DUSP8: variants seen among roughly 807,000 people sequenced by gnomAD.
DUSP8 encodes the protein dual specificity phosphatase 8.
DUSP8 carries 15 observed loss-of-function variants against 38.7 expected under a neutral mutation model. The ratio of observed to expected loss-of-function variants is 0.39; its 90% confidence interval spans 0.26 to 0.60. The LOEUF is 0.60. DUSP8 is among the 20% of genes least tolerant of loss of function. The pLI is 0.56. For synonymous variants in DUSP8, 458 were observed against 433.9 expected (o/e 1.06, Z -0.69); for missense variants, 768 against 915.0 (o/e 0.84, Z 2.07).
At chr11:1,569,936 C>G (rs973990761) in intron 1 of DUSP8, among the ~76,000 whole-genome samples, 2 of 152,172 alleles carry the variant, frequency 1.3e-5, no homozygotes, top group Non-Finnish European at 2.9e-5. Flanking sequence ...GAGGCAGGGA[C>G]CCTGCACTCA....
At position 1,565,566 on chromosome 11, in the gene DUSP8, T is replaced by C. The variant is rs764673724; in HGVS notation, c.231+30A>G. On this transcript the variant is annotated intron_variant, in intron 2 of 6. Transcript: ENST00000397374. ...CCTTAGCTGTGGACCCTGGACGTGA[T>C]GCATGCCTGGTGGGCAGTGGGCTGG... The C allele has an allele frequency of 1.9e-6, 3 of 1,560,624 alleles. No homozygotes were observed. The South Asian group carries it at 3.4e-5, about 18-fold the overall frequency.
Position 1,572,126 on chromosome 11 carries a change from C to A in DUSP8, c.-334G>T, listed in dbSNP as rs1193459136. Among the ~76,000 whole-genome samples, 2 of 145,396 alleles carry A rather than the reference C, an allele frequency of 1.4e-5. No individual in the cohort carries two copies. The highest frequency in any genetic ancestry group is 1.4e-4 in the Admixed American group (2 of 14,660). On this transcript the variant is annotated 5_prime_UTR_variant, in exon 1 of 7. Coordinates refer to ENST00000397374, the MANE Select transcript of DUSP8 (RefSeq NM_004420.3). The surrounding 1 kb of genome is among the most constrained non-coding windows in gnomAD (Gnocchi z 4.7). ...TGCGGGCGGGCACGCGCGCTCGCGGCGCGCATCCCAGCCCCGCGGCTCGGC... is the reference window on the plus strand; with the variant it reads ...TGCGGGCGGGCACGCGCGCTCGCGGAGCGCATCCCAGCCCCGCGGCTCGGC...
intron 1 of DUSP8, among the ~76,000 whole-genome samples, chr11:1,568,944 C>T (rs967479248): frequency 1.3e-5 from 2 of 152,088 alleles, no homozygotes; most frequent in Admixed American, 6.5e-5. Context: ...TGCTAAGGAT[C>T]GGGGCTCAGC....
Position 1,558,236 on chromosome 11 carries a change from G to C in DUSP8, c.573C>G (p.Leu191=), listed in dbSNP as rs1337915906. The C allele has an allele frequency of 3.2e-6, 5 of 1,576,514 alleles. No individual in the cohort carries two copies. The highest frequency in any genetic ancestry group is 4.3e-6 in the Non-Finnish European group (5 of 1,157,336). ...GCTTGGGGCAGGAGTTGCTGGCGTT[G>C]AGGACGTAGCTTATTCCATTTTGCG... The part of the protein sequence containing the change: ...LMTQNGISYV[L]NASNSCPKPD... The change falls in exon 5 of 7, where the codon CTC becomes CTG. Residue 191 remains leucine, a synonymous_variant. Transcript: ENST00000397374. The surrounding 1 kb of genome is among the most constrained non-coding windows in gnomAD (Gnocchi z 6.3).
rs763115741 is a variant in DUSP8, at chr11:1,557,405, G to A, written c.991C>T (p.Arg331Trp). ...CTCTCTGAGGTAGGTGGTGGCAGCC[G>A]TGGCAGCGGGGCCCCGGCGGCAGGA... ...PSPAAGAPLP[R>W]LPPPTSESAA... is the part of the protein sequence containing the mutation. Residue 331 changes from arginine to tryptophan, a missense_variant, in exon 7 of 7, where the codon CGG becomes TGG. Physicochemically the swap from Arg to Trp is moderately radical, Grantham distance 101 (BLOSUM62 -3). Around this residue, in one of 3 missense-constraint regions of DUSP8, gnomAD observed 474 missense variants for 430.8 expected, o/e 1.10. Coordinates refer to ENST00000397374, the MANE Select transcript of DUSP8 (RefSeq NM_004420.3). The surrounding 1 kb of genome is among the most constrained non-coding windows in gnomAD (Gnocchi z 9.9). 9 of 1,568,102 alleles carry A rather than the reference G, an allele frequency of 5.7e-6. No individual in the cohort carries two copies. Among genetic ancestry groups the A allele is most frequent in the South Asian group, 3.4e-5 (3 of 87,592 alleles).
chr11:1,560,102 T>G (rs1452855776), intron 3 of DUSP8, among the ~76,000 whole-genome samples: 1 of 151,658 alleles, frequency 6.6e-6, no homozygotes, highest in Admixed American at 6.5e-5. Context: ...CTTGGGAGGG[T>G]GAAGCCAGCA....
Position 1,556,698 on chromosome 11 carries a change from G to A in DUSP8, c.1698C>T (p.Pro566=), listed in dbSNP as rs1848630057. ...CGGGCCAGCCGGTCCGCGCGTCCCG[G>A]GGCTCAGCCCTCGCTGCCTCCCGCC... ...LRRREAARAE[P]RDARTGWPEE... Residue 566 remains proline (P), a synonymous_variant, in exon 7 of 7, where the codon CCC becomes CCT. Transcript: ENST00000397374. The surrounding 1 kb of genome is among the most constrained non-coding windows in gnomAD (Gnocchi z 5.2). 1 of 1,277,984 alleles carries A rather than the reference G, an allele frequency of 7.8e-7. No individual in the cohort carries two copies. The highest frequency in any genetic ancestry group is 9.9e-7 in the Non-Finnish European group (1 of 1,011,912). 79.2% of individuals were successfully genotyped at this position (1,277,984 alleles called of 1,614,324 possible).
At chr11:1,563,389 G>C (rs1020629768) in intron 3 of DUSP8, among the ~76,000 whole-genome samples, 1 of 152,262 alleles carries the variant, frequency 6.6e-6, no homozygotes, top group African/African-American at 2.4e-5. Context: ...AGTTGCCCAG[G>C]CTGCTTTTGG....
chr11:1,556,673 C>A lies in DUSP8; in HGVS notation c.1723G>T (p.Glu575Ter). 1 of 1,341,892 alleles carries A rather than the reference C, an allele frequency of 7.5e-7. No individual in the cohort carries two copies. Among genetic ancestry groups the A allele is most frequent in the Non-Finnish European group, 9.6e-7 (1 of 1,042,494 alleles). The allele number at this position is 1,341,892 out of a possible 1,614,324, so 83.1% of individuals were successfully genotyped here. A position where few individuals can be genotyped will look rare whatever the true frequency, so the allele number is the denominator to read the frequency against. Reference protein sequence around the residue: ...EPRDARTGWPEEPAPETQFKR... With the variant: ...EPRDARTGWP ...AACTGCGTCTCCGGGGCCGGCTCCTCGGGCCAGCCGGTCCGCGCGTCCCGG... is the reference window on the plus strand; with the variant it reads ...AACTGCGTCTCCGGGGCCGGCTCCTAGGGCCAGCCGGTCCGCGCGTCCCGG... Residue 575 changes from glutamate (E) to a stop codon, truncating the protein, a stop_gained, in exon 7 of 7, where the codon GAG (glutamate) becomes TAG (stop). Transcript: ENST00000397374. LOFTEE classifies it high-confidence loss of function. This position sits in a 1 kb window ranked among gnomAD's most constrained non-coding sequence, Gnocchi z 5.2.
Position 1,557,323 on chromosome 11 carries a change from G to T in DUSP8, c.1073C>A (p.Pro358His), listed in dbSNP as rs563264932. The part of the protein sequence containing the change: ...REGGLSAGGE[P>H]PAPPTPPATS... ...CGCCGGGGGCGTGGGGGGCGCGGGG[G>T]GCTCCCCGCCCGCGCTCAGGCCGCC... The change falls in exon 7 of 7, where the codon CCC becomes CAC. Residue 358 changes from proline to histidine, a missense_variant. Pro to His is a moderately conservative substitution (Grantham distance 77, BLOSUM62 -2). This residue lies in a region of DUSP8 where 474 missense variants were observed against 430.8 expected (regional missense o/e 1.10). Transcript: ENST00000397374. This position sits in a 1 kb window ranked among gnomAD's most constrained non-coding sequence, Gnocchi z 9.9. 422 of 1,498,856 alleles carry T rather than the reference G, an allele frequency of 2.8e-4. 1 individual carries two copies. In the African/African-American group the frequency reaches 5.9e-3, roughly 21 times the overall value. The allele number at this position is 1,498,856 out of a possible 1,614,324, so 92.8% of individuals were successfully genotyped here.
chr11:1,561,515 G>T (rs1848716503), intron 3 of DUSP8, among the ~76,000 whole-genome samples: 1 of 152,250 alleles, frequency 6.6e-6, no homozygotes, highest in South Asian at 2.1e-4. Context: ...TAAAGGGCCA[G>T]GCCCCTCTCT....
rs1255806522 is a variant in DUSP8 at position 1,556,960 on chromosome 11, G to A, written c.1436C>T (p.Ala479Val). ...AHSLGLNFGD[A>V]ARQTPRHGLS... ...GCCGTGCCGCGGAGTCTGCCGGGCC[G>A]CATCGCCGAAGTTCAGGCCGAGGCT... Residue 479 changes from alanine to valine, a missense_variant, in exon 7 of 7, where the codon GCG (alanine) becomes GTG (valine). By Grantham distance (64) the Ala-to-Val change is moderately conservative. Around this residue, in one of 3 missense-constraint regions of DUSP8, gnomAD observed 474 missense variants for 430.8 expected, o/e 1.10. Coordinates refer to ENST00000397374, the MANE Select transcript of DUSP8 (RefSeq NM_004420.3). The surrounding 1 kb of genome is among the most constrained non-coding windows in gnomAD (Gnocchi z 5.2). 7.5e-6 allele frequency: 8 copies of A among 1,064,110 alleles called. No homozygotes were observed. The highest frequency in any genetic ancestry group is 1.7e-5 in the African/African-American group (1 of 58,018). The allele number at this position is 1,064,110 out of a possible 1,614,324, so 65.9% of individuals were successfully genotyped here. A position where few individuals can be genotyped will look rare whatever the true frequency, so the allele number is the denominator to read the frequency against.
At chr11:1,565,557 T>C (rs373725327) in intron 2 of DUSP8, 39 bp downstream of exon 2, 2 of 1,532,018 alleles carry the variant, frequency 1.3e-6, no homozygotes, top group South Asian at 1.2e-5. Flanking sequence ...CTGTGGACCC[T>C]GGACGTGATG....
chr11:1,559,127 C>T lies in DUSP8; in HGVS notation c.371-72G>A, dbSNP rs528033524. ...CCCTGTCCGCCTAGGGTGCCCTGTC[C>T]GCCTAGGGCACCCCATCTACTGCTG... is the stretch of plus-strand genomic sequence containing the variant. On this transcript the variant is annotated intron_variant, in intron 3 of 6. Coordinates refer to ENST00000397374, the MANE Select transcript of DUSP8 (RefSeq NM_004420.3). 205 of 1,451,492 alleles carry T rather than the reference C, an allele frequency of 1.4e-4. 1 individual carries two copies. In the South Asian group the frequency reaches 1.8e-3, roughly 13 times the overall value. The allele number at this position is 1,451,492 out of a possible 1,614,324, so 89.9% of individuals were successfully genotyped here.
chr11:1,559,024 G>C lies in DUSP8; in HGVS notation c.402C>G (p.Pro134=). 1 of 1,610,632 alleles carries C rather than the reference G, an allele frequency of 6.2e-7. No homozygotes were observed. The highest frequency in any genetic ancestry group is 8.5e-7 in the Non-Finnish European group (1 of 1,179,460). ...CAGCAGGCTTGCCCTCGCAGAGGCC[G>C]GGGAAGCAGGAGGAGAAGGTGGCGA... The part of the protein sequence containing the change: ...GGFATFSSCF[P]GLCEGKPAAL... The change falls in exon 4 of 7, where the codon CCC becomes CCG. Residue 134 remains proline (P), a synonymous_variant. Transcript: ENST00000397374.
chr11:1,570,249 G>C (rs1289127385), intron 1 of DUSP8, among the ~76,000 whole-genome samples: 1 of 152,148 alleles, frequency 6.6e-6, no homozygotes, highest in African/African-American at 2.4e-5. Context: ...CCTCCTCCTG[G>C]TCACTGTGCC....
At chr11:1,562,666 T>C (rs1479671934) in intron 3 of DUSP8, among the ~76,000 whole-genome samples, 1 of 150,756 alleles carries the variant, frequency 6.6e-6, no homozygotes, top group Non-Finnish European at 1.5e-5. Context: ...CACATGTACA[T>C]GCACACACAT....
At chr11:1,561,587 C>A (rs1299201060) in intron 3 of DUSP8, among the ~76,000 whole-genome samples, 3 of 152,212 alleles carry the variant, frequency 2.0e-5, no homozygotes, top group Non-Finnish European at 2.9e-5. Flanking sequence ...GGAAGAGGAG[C>A]GGCAGGGGGA....
rs1191352848 is a variant in DUSP8 at position 1,557,137 on chromosome 11, G to A, written c.1259C>T (p.Pro420Leu). The A allele has an allele frequency of 5.6e-6, 8 of 1,421,904 alleles. No homozygotes were observed. Among genetic ancestry groups the A allele is most frequent in the Admixed American group, 3.1e-5 (1 of 32,634 alleles). 88.1% of individuals were successfully genotyped at this position (1,421,904 alleles called of 1,614,324 possible). The change falls in exon 7 of 7, where the codon CCG becomes CTG. Residue 420 changes from proline (P) to leucine (L), a missense_variant. By Grantham distance (98) the Pro-to-Leu change is moderately conservative. Around this residue, in one of 3 missense-constraint regions of DUSP8, gnomAD observed 474 missense variants for 430.8 expected, o/e 1.10. Transcript: ENST00000397374. The surrounding 1 kb of genome is among the most constrained non-coding windows in gnomAD (Gnocchi z 9.9). ...GPGPPDPGEA[P>L]KLCKLDSPSG... ...CGGGCTGTCCAGCTTGCAGAGCTTC[G>A]GGGCCTCGCCGGGGTCGGGGGGCCC...
Sources: allele counts gnomAD v4.1 joint callset (sites outside exome capture counted in the v4.1 genomes callset), GRCh38; gene constraint gnomAD v4.1.1; regional missense constraint gnomAD v4.1.1; non-coding constraint Gnocchi (gnomAD v3.1); transcripts MANE v1.5; gene names NCBI Gene and HGNC (gene_info 2026-07-23, HGNC 2026-07-21).